The following RANBP2 variants were observed in gnomAD, a reference collection of about 807,000 sequenced individuals.
RANBP2 encodes RAN binding protein 2.
Under a neutral mutation model 303.6 loss-of-function variants are expected in RANBP2, and 57 were observed. The ratio of observed to expected loss-of-function variants is 0.19; its 90% CI spans 0.15 to 0.23. The LOEUF (loss-of-function observed/expected upper bound fraction) is 0.23. RANBP2 is among the 10% of genes least tolerant of loss of function. The pLI, the probability that RANBP2 is intolerant of heterozygous loss-of-function variation, is 1.00. For missense variants in RANBP2, 3,138 were observed against 3,780.8 expected (o/e 0.83, Z 4.46); for synonymous variants, 1,167 against 1,301.5 (o/e 0.90, Z 2.23).
At chr2:109,287,184 G>A in the RANBP2 span, among the ~76,000 whole-genome samples, 1 of 152,118 alleles carries the variant, frequency 6.6e-6, no homozygotes. Flanking sequence ...ACAGAATTTT[G>A]CATCCAAAAT....
chr2:109,504,796 T>A, the RANBP2 span, among the ~76,000 whole-genome samples: 1 of 152,132 alleles, frequency 6.6e-6, no homozygotes, highest in Non-Finnish European at 1.5e-5. Flanking sequence ...CGAATCTGTA[T>A]CAGGATGGCA....
At chr2:109,019,273 C>T in the RANBP2 span, among the ~76,000 whole-genome samples, 1 of 152,200 alleles carries the variant, frequency 6.6e-6, no homozygotes, top group African/African-American at 2.4e-5. Context: ...GCCCAGTGCT[C>T]CTCTGTGTGT....
the RANBP2 span, among the ~76,000 whole-genome samples, chr2:109,412,003 C>T: frequency 2.0e-5 from 3 of 152,210 alleles, no homozygotes; most frequent in South Asian, 4.1e-4. Flanking sequence ...CCTGAATGGG[C>T]CCTGTGGCAG....
chr2:109,395,398 C>G, the RANBP2 span, among the ~76,000 whole-genome samples: 4 of 152,230 alleles, frequency 2.6e-5, no homozygotes, highest in African/African-American at 9.6e-5. Flanking sequence ...CTAACCCCTC[C>G]TCTTCCTGGG....
chr2:109,545,973 G>T, the RANBP2 span: 1 of 1,493,014 alleles, frequency 6.7e-7, no homozygotes. Flanking sequence ...GCAGAAGTAA[G>T]AAGCGCTAGG....
At chr2:109,611,718 C>A in the RANBP2 span, among the ~76,000 whole-genome samples, 1 of 152,124 alleles carries the variant, frequency 6.6e-6, no homozygotes, top group Non-Finnish European at 1.5e-5. Context: ...AGTGAGCCAT[C>A]TTGGCACCAC....
intron 4 of RANBP2, among the ~76,000 whole-genome samples, chr2:108,733,447 T>C (rs1039267781): frequency 6.6e-6 from 1 of 152,032 alleles, no homozygotes; most frequent in African/African-American, 2.4e-5. Context: ...CCATTCACTT[T>C]TGAGGGACAT....
At chr2:109,666,125 A>T in the RANBP2 span, among the ~76,000 whole-genome samples, 1 of 123,382 alleles carries the variant, frequency 8.1e-6, no homozygotes, top group Non-Finnish European at 1.7e-5. Flanking sequence ...AAAACAAAAC[A>T]AAAAACTAAA....
chr2:109,478,103 G>A, the RANBP2 span, among the ~76,000 whole-genome samples: 9 of 152,246 alleles, frequency 5.9e-5, no homozygotes, highest in Non-Finnish European at 1.2e-4. Context: ...CCCTGCCAAG[G>A]GCTTTGAGCT....
chr2:108,833,812 C>T, the RANBP2 span, among the ~76,000 whole-genome samples: 1 of 145,512 alleles, frequency 6.9e-6, no homozygotes, highest in African/African-American at 2.6e-5. Flanking sequence ...ACTGCAAGCT[C>T]TGCCTCCAAG....
At chr2:109,002,011 T>C in the RANBP2 span, among the ~76,000 whole-genome samples, 1 of 152,204 alleles carries the variant, frequency 6.6e-6, no homozygotes, top group Non-Finnish European at 1.5e-5. Context: ...ATTACAGGCA[T>C]GAGCCACTGC....
At chr2:108,866,774 T>TC in the RANBP2 span, among the ~76,000 whole-genome samples, 3 of 151,712 alleles carry the variant, frequency 2.0e-5, no homozygotes, top group African/African-American at 7.3e-5. Flanking sequence ...TCCCAGTTAC[T>TC]CGGGAGACTG....
the RANBP2 span, among the ~76,000 whole-genome samples, chr2:109,532,443 T>C: frequency 6.6e-6 from 1 of 152,164 alleles, no homozygotes; most frequent in Non-Finnish European, 1.5e-5. Context: ...GGAGTTATTC[T>C]TCTTGAAATG....
the RANBP2 span, among the ~76,000 whole-genome samples, chr2:109,247,289 G>C: frequency 6.6e-6 from 1 of 152,174 alleles, no homozygotes; most frequent in South Asian, 2.1e-4. Context: ...CACCAAGGAT[G>C]GCTTTCAAGA....
At position 108,755,375 on chromosome 2, in the gene RANBP2, G is replaced by C. The variant is rs566735092; in HGVS notation, c.2466+116G>C. On this transcript the variant is annotated intron_variant, in intron 17 of 28. Transcript: ENST00000283195. Reference sequence around the variant, plus strand: ...GTCCCCTTGCCATCCAAATAGTATGGCAAGGGGACATTTTGGTCTTTTTTT... The same window carrying C: ...GTCCCCTTGCCATCCAAATAGTATGCCAAGGGGACATTTTGGTCTTTTTTT... 7.4e-6 allele frequency: 11 copies of C among 1,477,346 alleles called. No homozygotes were observed. In the Admixed American group the frequency reaches 2.4e-4, roughly 32 times the overall value. The allele number at this position is 1,477,346 out of a possible 1,614,324, so 91.5% of individuals were successfully genotyped here. A position where few individuals can be genotyped will look rare whatever the true frequency, so the allele number is the denominator to read the frequency against.
the RANBP2 span, among the ~76,000 whole-genome samples, chr2:109,025,996 G>A: frequency 6.6e-6 from 1 of 152,036 alleles, no homozygotes; most frequent in African/African-American, 2.4e-5. Context: ...TCCTCACCAA[G>A]GCCTGCCCTC....
At chr2:108,870,330 A>G in the RANBP2 span, among the ~76,000 whole-genome samples, 1 of 152,210 alleles carries the variant, frequency 6.6e-6, no homozygotes, top group African/African-American at 2.4e-5. Flanking sequence ...AAATCAAAGA[A>G]AAAAGAAAAG....
At position 108,756,014 on chromosome 2, in the gene RANBP2, G is replaced by A. The variant is rs146452386; in HGVS notation, c.2466+755G>A. On this transcript the variant is annotated intron_variant, in intron 17 of 28. Transcript: ENST00000283195. ...GCTGGGATTACAGGTGTAAACCCCCGAGCCCAGCCCTTTACCGTATTTTTG... is the reference window on the plus strand; with the variant it reads ...GCTGGGATTACAGGTGTAAACCCCCAAGCCCAGCCCTTTACCGTATTTTTG... Among the ~76,000 whole-genome samples the A allele has an allele frequency of 6.1e-3, 933 of 152,194 alleles. 2 individuals are homozygous for A. The highest frequency in any genetic ancestry group is 0.021 in the Middle Eastern group (6 of 292).
At chr2:108,871,433 A>G in the RANBP2 span, among the ~76,000 whole-genome samples, 4 of 151,552 alleles carry the variant, frequency 2.6e-5, no homozygotes, top group Non-Finnish European at 5.9e-5. Context: ...TGTGCCTGTA[A>G]TCCCAGTTAC....
Sources: allele counts gnomAD v4.1 joint callset (sites outside exome capture counted in the v4.1 genomes callset), GRCh38; gene constraint gnomAD v4.1.1; transcripts MANE v1.5; gene names NCBI Gene and HGNC (gene_info 2026-07-23, HGNC 2026-07-21).